CSRNP2: variants seen among roughly 807,000 people sequenced by gnomAD.
CSRNP2 encodes cysteine/serine-rich nuclear protein 2.
CSRNP2 carries 11 observed loss-of-function variants against 36.6 expected under a neutral mutation model. The observed-to-expected ratio is 0.30, with a 90% CI of 0.19 to 0.50. The LOEUF (loss-of-function observed/expected upper bound fraction) is 0.50, where lower values mean the gene tolerates loss of function less well. Ranked by LOEUF, CSRNP2 falls within the 20% of genes least tolerant of loss-of-function variation. CSRNP2 has a pLI of 0.98. For synonymous variants in CSRNP2, 248 were observed against 275.3 expected, an observed-to-expected ratio of 0.90 and a Z score of 0.98; for missense variants, 483 against 691.4, an observed-to-expected ratio of 0.70 and a Z score of 3.38.
In CSRNP2 at chr12:51,061,757, C is replaced by A. The variant is rs1948838027; in HGVS notation, c.*1989G>T. On this transcript the variant is annotated 3_prime_UTR_variant, in exon 5 of 5. Transcript: ENST00000228515. Reference sequence around the variant, plus strand: ...AAAAGCTAATGTGTTCCTCATCGTGCAGCTGGAATCTACTTCCTAGATTAA... The same window carrying A: ...AAAAGCTAATGTGTTCCTCATCGTGAAGCTGGAATCTACTTCCTAGATTAA... 1 of 152,172 alleles carries A rather than the reference C, an allele frequency of 6.6e-6. No homozygotes were observed. The highest frequency in any genetic ancestry group is 1.9e-4 in the East Asian group (1 of 5,196). 9.4% of individuals were successfully genotyped at this position (152,172 alleles called of 1,614,324 possible).
intron 1 of CSRNP2, chr12:51,081,611 G>A (rs958480731): frequency 3.9e-5 from 6 of 152,198 alleles, no homozygotes; most frequent in African/African-American, 1.4e-4. Context: ...TGAAATGAAA[G>A]GTCAGCTGAC....
At chr12:51,066,832 C>T (rs1938425658) in intron 4 of CSRNP2, among the ~76,000 whole-genome samples, 1 of 152,090 alleles carries the variant, frequency 6.6e-6, no homozygotes, top group Admixed American at 6.5e-5. Context: ...CACCATTCCT[C>T]TGCTAACTTT....
At chr12:51,068,984 A>AT (rs917807175) in intron 3 of CSRNP2, among the ~76,000 whole-genome samples, 5 of 150,960 alleles carry the variant, frequency 3.3e-5, no homozygotes, top group East Asian at 1.9e-4. Flanking sequence ...TTCTTTTTTC[A>AT]TTTTTTTTTG....
chr12:51,064,476 C>A lies in CSRNP2; in HGVS notation c.902G>T (p.Ser301Ile), dbSNP rs201672896. Residue 301 changes from serine to isoleucine, a missense_variant, in exon 5 of 5, where the codon AGC (serine) becomes ATC (isoleucine). Ser to Ile is a moderately radical substitution (Grantham distance 142). This residue lies in a region of CSRNP2 where 277 missense variants were observed against 323.6 expected (regional missense o/e 0.86). Coordinates refer to ENST00000228515, the MANE Select transcript of CSRNP2 (RefSeq NM_030809.3). ...DEEPSPTASC[S>I]LTGAQGSETQ... Reference sequence around the variant, plus strand: ...CTCAGAGCCCTGTGCTCCTGTCAGGCTGCAACTGGCAGTCGGGGAGGGCTC... The same window carrying A: ...CTCAGAGCCCTGTGCTCCTGTCAGGATGCAACTGGCAGTCGGGGAGGGCTC... 1.2e-6 allele frequency: 2 copies of A among 1,609,314 alleles called. No homozygotes were observed. Among genetic ancestry groups the A allele is most frequent in the Non-Finnish European group, 1.7e-6 (2 of 1,177,510 alleles).
At position 51,072,562 on chromosome 12, in the gene CSRNP2, C is replaced by CAAAAAAAAAAAA. The variant is rs71089741; in HGVS notation, c.411+1249_411+1260dup. On this transcript the variant is annotated intron_variant, in intron 3 of 4. Transcript: ENST00000228515. ...TGGGCAACAGAGCTAGGCTCCGTCT[C>CAAAAAAAAAAAA]AAAAAAAAAAAAAAAAAAAAAAAAA... 1.0e-3 allele frequency among the ~76,000 whole-genome samples: 68 copies of CAAAAAAAAAAAA among 66,918 alleles called. 4 individuals carry two copies. The highest frequency in any genetic ancestry group is 5.3e-3 in the East Asian group (8 of 1,498). 43.9% of individuals were successfully genotyped at this position (66,918 alleles called of 152,430 possible).
At chr12:51,083,027 C>T (rs892865683) in intron 1 of CSRNP2, 1 of 152,354 alleles carries the variant, frequency 6.6e-6, no homozygotes, top group African/African-American at 2.4e-5. Flanking sequence ...CATCATTCTC[C>T]ACTCCATTCC....
intron 1 of CSRNP2, among the ~76,000 whole-genome samples, chr12:51,077,178 C>A (rs112471035): frequency 0.011 from 1,620 of 152,232 alleles, 22 homozygotes; most frequent in African/African-American, 0.037. Flanking sequence ...CACCTGGGCT[C>A]GAGCAATCCT....
In CSRNP2 at chr12:51,061,391, T is replaced by A. The variant is rs920479689; in HGVS notation, c.*2355A>T. On this transcript the variant is annotated 3_prime_UTR_variant, in exon 5 of 5. Transcript: ENST00000228515. ...AATTGGAAAATAATAAGGGTTGTGG[T>A]AATAAGAGTCATTTATCTAGGCCTA... 14 of 152,590 alleles carry A rather than the reference T, an allele frequency of 9.2e-5. No homozygotes were observed. The highest frequency in any genetic ancestry group is 3.4e-4 in the African/African-American group (14 of 41,438). 9.5% of individuals were successfully genotyped at this position (152,590 alleles called of 1,614,324 possible). A position where few individuals can be genotyped will look rare whatever the true frequency, so the allele number is the denominator to read the frequency against.
intron 4 of CSRNP2, among the ~76,000 whole-genome samples, chr12:51,066,416 C>T (rs1309794094): frequency 4.1e-5 from 6 of 145,934 alleles, no homozygotes; most frequent in African/African-American, 5.1e-5. Context: ...TCACGCGCTA[C>T]GGCACTCCAG....
chr12:51,074,498 T>C (rs1939314619), intron 2 of CSRNP2, among the ~76,000 whole-genome samples: 1 of 152,200 alleles, frequency 6.6e-6, no homozygotes, highest in Non-Finnish European at 1.5e-5. Context: ...ACTCTTCTTC[T>C]CTAAACGTGC....
chr12:51,073,727 GAAAA>G (rs55789323), intron 3 of CSRNP2, 92 bp downstream of exon 3: 15,115 of 1,009,172 alleles, frequency 0.015, no homozygotes, highest in East Asian at 0.022. Flanking sequence ...CTCTGTCCCA[GAAAA>G]AAAAAAAAAA....
intron 3 of CSRNP2, 93 bp from the exon 4 acceptor site, chr12:51,068,062 C>G: frequency 8.2e-7 from 1 of 1,221,538 alleles, no homozygotes; most frequent in Non-Finnish European, 1.2e-6. Context: ...CTTGAACCTT[C>G]TGCAATCATG....
intron 2 of CSRNP2, 141 bp from the exon 3 acceptor site, chr12:51,074,223 T>C: frequency 1.1e-6 from 1 of 921,036 alleles, no homozygotes. Flanking sequence ...GTTCAAGCAA[T>C]TCTCCTGCCT....
At chr12:51,071,272 A>AAC (rs1939143125) in intron 3 of CSRNP2, among the ~76,000 whole-genome samples, 1 of 150,162 alleles carries the variant, frequency 6.7e-6, no homozygotes, top group Non-Finnish European at 1.5e-5. Flanking sequence ...AAAAAAAAAA[A>AAC]AAAACCTACA....
intron 1 of CSRNP2, among the ~76,000 whole-genome samples, chr12:51,077,618 T>C (rs1939449995): frequency 6.6e-6 from 1 of 152,140 alleles, no homozygotes. Flanking sequence ...CAGGCTTCTA[T>C]AAAGGTCAAA....
In CSRNP2 at chr12:51,076,436, A is replaced by G; in HGVS notation, c.126T>C (p.Asn42=). 4 of 1,614,048 alleles carry G rather than the reference A, an allele frequency of 2.5e-6. No homozygotes were observed. The highest frequency in any genetic ancestry group is 3.4e-6 in the Non-Finnish European group (4 of 1,180,008). ...SDSADSCDSL[N]PPTTASFTPT... ...GTGTGAAGCTGGCAGTGGTAGGAGG[A>G]TTGAGGCTGTCGCAGCTGTCAGCAC... is the stretch of plus-strand genomic sequence containing the variant. Residue 42 remains asparagine, a synonymous_variant, in exon 2 of 5, where the codon AAT becomes AAC. Coordinates refer to ENST00000228515, the MANE Select transcript of CSRNP2 (RefSeq NM_030809.3).
intron 3 of CSRNP2, among the ~76,000 whole-genome samples, chr12:51,068,600 T>C (rs1938661464): frequency 6.6e-6 from 1 of 152,194 alleles, no homozygotes; most frequent in African/African-American, 2.4e-5. Flanking sequence ...TCTTCCCTCC[T>C]ACACGAAAAT....
At chr12:51,069,339 A>G (rs1309887678) in intron 3 of CSRNP2, among the ~76,000 whole-genome samples, 6 of 142,002 alleles carry the variant, frequency 4.2e-5, no homozygotes, top group South Asian at 2.2e-4. Context: ...TCAGGATGGA[A>G]TGCAGTGCAT....
chr12:51,070,676 C>T (rs781334117), intron 3 of CSRNP2, among the ~76,000 whole-genome samples: 4 of 151,702 alleles, frequency 2.6e-5, no homozygotes, highest in Non-Finnish European at 4.4e-5. Context: ...GGATAACAGG[C>T]CAAAATACAA....
Sources: allele counts gnomAD v4.1 joint callset (sites outside exome capture counted in the v4.1 genomes callset), GRCh38; gene constraint gnomAD v4.1.1; regional missense constraint gnomAD v4.1.1; transcripts MANE v1.5; gene names NCBI Gene and HGNC (gene_info 2026-07-23, HGNC 2026-07-21).